STAU1: variants seen among roughly 807,000 people sequenced by gnomAD.
STAU1 encodes staufen double-stranded RNA binding protein 1.
STAU1 carries 13 observed loss-of-function variants against 62.9 expected under a neutral mutation model. That is an observed-to-expected ratio of 0.21 (90% CI 0.13 to 0.33). The LOEUF (loss-of-function observed/expected upper bound fraction) is 0.33, where lower values mean the gene tolerates loss of function less well. STAU1 is among the 10% of genes least tolerant of loss of function. The pLI is 1.00. For missense variants in STAU1, 571 were observed against 712.1 expected (o/e 0.80, Z 2.25); for synonymous variants, 269 against 265.1 (o/e 1.01, Z -0.14).
chr20:49,213,287 G>A, the STAU1 span, among the ~76,000 whole-genome samples: 22 of 151,778 alleles, frequency 1.4e-4, no homozygotes, highest in African/African-American at 5.1e-4. Flanking sequence ...CTGGAGTGCC[G>A]TGGCGCAATC....
At chr20:49,158,298 A>C (rs1011048740) in intron 3 of STAU1, 6 of 608,616 alleles carry the variant, frequency 9.9e-6, no homozygotes, top group Non-Finnish European at 1.5e-5. Context: ...AAAAGAAAAA[A>C]TTAATTGAAG....
chr20:49,161,910 A>G (rs2093454568), intron 3 of STAU1, among the ~76,000 whole-genome samples: 1 of 152,146 alleles, frequency 6.6e-6, no homozygotes, highest in Non-Finnish European at 1.5e-5. Flanking sequence ...GTGTCTTCAA[A>G]AGAGAGTGAA....
In STAU1 at chr20:49,182,835, T is replaced by C. The variant is rs374922598; in HGVS notation, c.-160+5281A>G. Among the ~76,000 whole-genome samples the C allele has an allele frequency of 6.9e-3, 942 of 137,492 alleles. 7 individuals carry two copies. Among genetic ancestry groups the C allele is most frequent in the Middle Eastern group, 0.04 (10 of 248 alleles). The allele number at this position is 137,492 out of a possible 152,430, so 90.2% of individuals were successfully genotyped here. A position where few individuals can be genotyped will look rare whatever the true frequency, so the allele number is the denominator to read the frequency against. On this transcript the variant is annotated intron_variant, in intron 1 of 13. Transcript: ENST00000371856. ...GCCTGGGTAACAGAGCCAGACTCCG[T>C]CTCAAAAAAAAAAAAAAAAATAGTA...
intron 3 of STAU1, among the ~76,000 whole-genome samples, chr20:49,157,357 T>TGTCCAGGCTGGAGCTCA (rs1472056101): frequency 6.6e-6 from 1 of 152,248 alleles, no homozygotes; most frequent in African/African-American, 2.4e-5. Flanking sequence ...CTTGCTCTGC[T>TGTCCAGGCTGGAGCTCA]GTCCAGGCTG....
the STAU1 span, among the ~76,000 whole-genome samples, chr20:49,203,441 A>G: frequency 6.6e-6 from 1 of 152,188 alleles, no homozygotes; most frequent in African/African-American, 2.4e-5. Flanking sequence ...AATAAAATTG[A>G]TAAGTTTCTA....
intron 5 of STAU1, among the ~76,000 whole-genome samples, chr20:49,141,089 G>T (rs886941389): frequency 6.6e-6 from 1 of 151,792 alleles, no homozygotes; most frequent in Non-Finnish European, 1.5e-5. Context: ...TCAGACTGTC[G>T]TAAGACTTTG....
At chr20:49,125,064 C>T (rs1600630068) in intron 6 of STAU1, among the ~76,000 whole-genome samples, 1 of 56,964 alleles carries the variant, frequency 1.8e-5, no homozygotes, top group South Asian at 5.2e-4. Context: ...TCCCCGCACA[C>T]ATTAAGTAAA....
intron 2 of STAU1, among the ~76,000 whole-genome samples, chr20:49,167,708 C>T (rs1246713757): frequency 1.3e-5 from 2 of 152,040 alleles, no homozygotes; most frequent in East Asian, 1.9e-4. Context: ...GTTTTTTTTC[C>T]GTCAGCTGCT....
intron 6 of STAU1, 41 bp downstream of exon 6, chr20:49,135,792 G>T: frequency 6.8e-7 from 1 of 1,479,704 alleles, no homozygotes; most frequent in Non-Finnish European, 9.4e-7. Flanking sequence ...AATGCTAACA[G>T]GATTTTAGAA....
chr20:49,194,298 G>A, the STAU1 span, among the ~76,000 whole-genome samples: 7 of 151,800 alleles, frequency 4.6e-5, no homozygotes, highest in Admixed American at 6.6e-5. Flanking sequence ...GCATGGTGGC[G>A]CACGCCTGTA....
chr20:49,149,251 AACACACACACAC>A lies in STAU1; in HGVS notation c.510+2319_510+2330del, dbSNP rs34854738. On this transcript the variant is annotated intron_variant, in intron 5 of 13. Coordinates refer to ENST00000371856, the MANE Select transcript of STAU1 (RefSeq NM_017453.4). ...GGGTGACAGGGAGAGACTGTCTCAA[AACACACACACAC>A]ACACACACACACACACACACACACA... 7.6e-3 allele frequency among the ~76,000 whole-genome samples: 1,006 copies of A among 132,018 alleles called. 14 individuals are homozygous for A. Among genetic ancestry groups the A allele is most frequent in the African/African-American group, 0.027 (918 of 34,574 alleles). The allele number at this position is 132,018 out of a possible 152,430, so 86.6% of individuals were successfully genotyped here.
intron 4 of STAU1, 30 bp from the exon 5 acceptor site, chr20:49,151,777 C>T: frequency 1.3e-6 from 2 of 1,595,026 alleles, no homozygotes; most frequent in Non-Finnish European, 1.7e-6. Context: ...AGGCAAATTA[C>T]AGTCTCAAGT....
the STAU1 span, among the ~76,000 whole-genome samples, chr20:49,216,007 CAAAAAAAAAA>C: frequency 2.7e-4 from 10 of 36,452 alleles, no homozygotes; most frequent in African/African-American, 6.4e-4. Flanking sequence ...GACTATGTCT[CAAAAAAAAAA>C]AAAAAAAAAA....
chr20:49,171,343 GGAGTGCAGTGGCAC>G, intron 2 of STAU1, among the ~76,000 whole-genome samples: 1 of 152,312 alleles, frequency 6.6e-6, no homozygotes, highest in African/African-American at 2.4e-5. Context: ...TGCCCAGGCT[GGAGTGCAGTGGCAC>G]GATCTCAGCT....
intron 5 of STAU1, among the ~76,000 whole-genome samples, chr20:49,144,338 T>C (rs139567680): frequency 2.0e-5 from 3 of 152,070 alleles, no homozygotes; most frequent in Non-Finnish European, 4.4e-5. Context: ...TGTCGAAAAA[T>C]GTTGCATGAT....
intron 1 of STAU1, among the ~76,000 whole-genome samples, chr20:49,187,107 T>C (rs1356133247): frequency 6.6e-6 from 1 of 152,116 alleles, no homozygotes; most frequent in Non-Finnish European, 1.5e-5. Flanking sequence ...ACACCCCCCT[T>C]CAGAGCCCAA....
At chr20:49,163,722 G>A (rs1024139821) in intron 3 of STAU1, among the ~76,000 whole-genome samples, 1 of 152,066 alleles carries the variant, frequency 6.6e-6, no homozygotes, top group African/African-American at 2.4e-5. Flanking sequence ...ACTGCAACCG[G>A]CAAGGTACCT....
At chr20:49,139,561 C>T (rs929729957) in intron 5 of STAU1, among the ~76,000 whole-genome samples, 1 of 151,710 alleles carries the variant, frequency 6.6e-6, no homozygotes, top group Non-Finnish European at 1.5e-5. Context: ...ACCATCTCCA[C>T]TAAAAATACA....
the STAU1 span, among the ~76,000 whole-genome samples, chr20:49,194,373 G>C: frequency 1.4e-5 from 2 of 146,558 alleles, no homozygotes; most frequent in Non-Finnish European, 3.0e-5. Flanking sequence ...AGGTTGCAGT[G>C]AGCCAAAATC....
Sources: allele counts gnomAD v4.1 joint callset (sites outside exome capture counted in the v4.1 genomes callset), GRCh38; gene constraint gnomAD v4.1.1; transcripts MANE v1.5; gene names NCBI Gene and HGNC (gene_info 2026-07-23, HGNC 2026-07-21).